NOX4: variants seen among roughly 807,000 people sequenced by gnomAD.
The protein encoded by NOX4 is kidney oxidase-1.
A neutral mutation model predicts 87.6 loss-of-function variants in NOX4; 69 were observed. The observed-to-expected ratio is 0.79, with a 90% CI of 0.65 to 0.96. The LOEUF (loss-of-function observed/expected upper bound fraction) is 0.96. Ranked by LOEUF, NOX4 falls within the 40% of genes least tolerant of loss-of-function variation. The probability of loss-of-function intolerance (pLI) is 0.00; values close to 1 mark genes in which losing one functional copy is unlikely to be tolerated. For synonymous variants in NOX4, 275 were observed against 238.2 expected (o/e 1.15, Z -1.42); for missense variants, 680 against 681.5 (o/e 1.00, Z 0.02).
Position 89,402,324 on chromosome 11 carries a change from A to G in NOX4, c.846+2T>C, listed in dbSNP as rs149515506. On this transcript the variant is annotated splice_donor_variant, in intron 9 of 17. Transcript: ENST00000263317. LOFTEE classifies it high-confidence loss of function. ...GGAGATCAAACACAAAATTAATCTGACCTGTGGAAAATTAGCTTGGAATCT... is the reference window on the plus strand; with the variant it reads ...GGAGATCAAACACAAAATTAATCTGGCCTGTGGAAAATTAGCTTGGAATCT... The G allele has an allele frequency of 6.2e-7, 1 of 1,609,250 alleles. No homozygotes were observed. Among genetic ancestry groups the G allele is most frequent in the African/African-American group, 1.3e-5 (1 of 74,784 alleles).
intron 12 of NOX4, 140 bp downstream of exon 12, chr11:89,373,292 A>AC: frequency 2.0e-6 from 1 of 490,188 alleles, no homozygotes; most frequent in East Asian, 3.3e-5. Context: ...AAAAAAAAAA[A>AC]AAAAAACAAA....
chr11:89,335,879 G>T lies in NOX4; in HGVS notation c.1582C>A (p.Leu528Ile). 6.2e-7 allele frequency: 1 copy of T among 1,600,412 alleles called. No individual in the cohort carries two copies. Among genetic ancestry groups the T allele is most frequent in the Non-Finnish European group, 8.5e-7 (1 of 1,173,054 alleles). The change falls in exon 17 of 18, where the codon CTT becomes ATT. Residue 528 changes from leucine (L) to isoleucine (I), a missense_variant. Physicochemically the swap from Leu to Ile is conservative, Grantham distance 5. Coordinates refer to ENST00000263317, the MANE Select transcript of NOX4 (RefSeq NM_016931.5). ...TATTTTGCTATTTCATCAAACAAAA[G>T]TTTCCACCGAGGACGTCCTATAAAC... ...RLFIGRPRWK[L>I]LFDEIAKYNR...
At chr11:89,523,736 G>A in the NOX4 span, among the ~76,000 whole-genome samples, 1 of 152,134 alleles carries the variant, frequency 6.6e-6, no homozygotes, top group African/African-American at 2.4e-5. Flanking sequence ...CTCCATCAAT[G>A]AGTGAAGAGA....
At chr11:89,456,177 T>TAAAACATCATA (rs1360664127) in intron 2 of NOX4, among the ~76,000 whole-genome samples, 1 of 152,148 alleles carries the variant, frequency 6.6e-6, no homozygotes, top group Non-Finnish European at 1.5e-5. Context: ...TCATGTGTAT[T>TAAAACATCATA]TTATACATAT....
chr11:89,507,069 T>C, the NOX4 span, among the ~76,000 whole-genome samples: 1 of 151,936 alleles, frequency 6.6e-6, no homozygotes, highest in Admixed American at 6.6e-5. Context: ...CATGATTCCA[T>C]TTTTCACAAA....
chr11:89,431,446 G>C (rs560226141), intron 7 of NOX4, among the ~76,000 whole-genome samples: 3 of 152,014 alleles, frequency 2.0e-5, no homozygotes, highest in Admixed American at 2.0e-4. Flanking sequence ...AATTTTTGCA[G>C]TCTACCTATC....
intron 17 of NOX4, among the ~76,000 whole-genome samples, chr11:89,327,704 T>G (rs888616792): frequency 6.6e-6 from 1 of 152,084 alleles, no homozygotes; most frequent in African/African-American, 2.4e-5. Flanking sequence ...TCAGAATAAC[T>G]CGCACTGAAC....
chr11:89,353,933 C>A (rs1937777116), intron 13 of NOX4, among the ~76,000 whole-genome samples: 1 of 152,122 alleles, frequency 6.6e-6, no homozygotes, highest in East Asian at 1.9e-4. Context: ...CAGGGGATTG[C>A]AAGTTTATTG....
intron 8 of NOX4, among the ~76,000 whole-genome samples, chr11:89,413,648 G>A (rs745848154): frequency 1.3e-5 from 2 of 152,070 alleles, no homozygotes. Context: ...AAGATAGAGA[G>A]TAGAATGACG....
chr11:89,411,998 C>T (rs1942506310), intron 8 of NOX4, among the ~76,000 whole-genome samples: 1 of 151,682 alleles, frequency 6.6e-6, no homozygotes, highest in Admixed American at 6.6e-5. Context: ...CAATGGAAAC[C>T]AAAAAGGAAG....
intron 13 of NOX4, among the ~76,000 whole-genome samples, chr11:89,352,590 A>G (rs1946507041): frequency 6.6e-6 from 1 of 152,142 alleles, no homozygotes; most frequent in Non-Finnish European, 1.5e-5. Flanking sequence ...CATTAATAGG[A>G]GTTTGGAAGA....
chr11:89,367,144 C>G (rs1459028080), intron 12 of NOX4, among the ~76,000 whole-genome samples: 1 of 152,092 alleles, frequency 6.6e-6, no homozygotes, highest in Non-Finnish European at 1.5e-5. Flanking sequence ...CACATAGACT[C>G]ACAAGAGGCC....
Position 89,337,623 on chromosome 11 carries a change from C to T in NOX4, c.1447-108G>A, listed in dbSNP as rs1180666552. 3 of 1,448,962 alleles carry T rather than the reference C, an allele frequency of 2.1e-6. No homozygotes were observed. In the African/African-American group the frequency reaches 4.2e-5, roughly 20 times the overall value. 89.8% of individuals were successfully genotyped at this position (1,448,962 alleles called of 1,614,324 possible). On this transcript the variant is annotated intron_variant, in intron 15 of 17. Coordinates refer to ENST00000263317, the MANE Select transcript of NOX4 (RefSeq NM_016931.5). ...TAGAATTTAACACAACCTAGCTTATCATAGTCAATATCTATAAGAAAATGA... is the reference window on the plus strand; with the variant it reads ...TAGAATTTAACACAACCTAGCTTATTATAGTCAATATCTATAAGAAAATGA...
chr11:89,349,464 C>T (rs917836181), intron 13 of NOX4, among the ~76,000 whole-genome samples: 1 of 152,070 alleles, frequency 6.6e-6, no homozygotes. Context: ...GGAGAACAGA[C>T]TATGGAAAGG....
At chr11:89,484,942 T>C (rs1000752958) in intron 2 of NOX4, among the ~76,000 whole-genome samples, 1 of 152,140 alleles carries the variant, frequency 6.6e-6, no homozygotes, top group African/African-American at 2.4e-5. Flanking sequence ...AAATCTCTTC[T>C]GAAAGTAACA....
the NOX4 span, among the ~76,000 whole-genome samples, chr11:89,528,456 A>G: frequency 6.9e-3 from 1,046 of 152,310 alleles, 11 homozygotes; most frequent in Non-Finnish European, 0.012. Flanking sequence ...GTCCCCACCC[A>G]AATCTCATCT....
intron 2 of NOX4, among the ~76,000 whole-genome samples, chr11:89,484,379 A>G (rs552580543): frequency 5.3e-5 from 8 of 152,144 alleles, no homozygotes; most frequent in Non-Finnish European, 1.0e-4. Context: ...CTATAATACT[A>G]AAAATATATT....
intron 11 of NOX4, among the ~76,000 whole-genome samples, chr11:89,391,755 A>C (rs898817773): frequency 6.6e-6 from 1 of 150,532 alleles, no homozygotes; most frequent in Non-Finnish European, 1.5e-5. Context: ...AAAAAAAAAA[A>C]AGAAAGAAAG....
chr11:89,415,793 G>T (rs1313976430), intron 8 of NOX4, among the ~76,000 whole-genome samples: 1 of 152,056 alleles, frequency 6.6e-6, no homozygotes, highest in African/African-American at 2.4e-5. Flanking sequence ...TAGGCATCTA[G>T]GAAGTATTAG....
Sources: allele counts gnomAD v4.1 joint callset (sites outside exome capture counted in the v4.1 genomes callset), GRCh38; gene constraint gnomAD v4.1.1; transcripts MANE v1.5; gene names NCBI Gene and HGNC (gene_info 2026-07-23, HGNC 2026-07-21).